The following FNBP1L variants were observed in gnomAD, a reference collection of about 807,000 sequenced individuals.
FNBP1L encodes formin-binding protein 1-like.
FNBP1L carries 36 observed loss-of-function variants against 91.2 expected under a neutral mutation model. The ratio of observed to expected loss-of-function variants is 0.39; its 90% confidence interval spans 0.30 to 0.52. The LOEUF (loss-of-function observed/expected upper bound fraction) is 0.52, where lower values mean the gene tolerates loss of function less well. FNBP1L is among the 20% of genes least tolerant of loss of function. The probability of loss-of-function intolerance (pLI) is 0.66; values close to 1 mark genes in which losing one functional copy is unlikely to be tolerated. For missense variants in FNBP1L, 571 were observed against 732.1 expected, an observed-to-expected ratio of 0.78 and a Z score of 2.54; for synonymous variants, 242 against 237.0, an observed-to-expected ratio of 1.02 and a Z score of -0.19.
chr1:93,468,465 C>G (rs754926390), intron 1 of FNBP1L, among the ~76,000 whole-genome samples: 1 of 152,202 alleles, frequency 6.6e-6, no homozygotes, highest in Non-Finnish European at 1.5e-5. Context: ...GGGTCTCGCT[C>G]TGTCATCCAG....
At chr1:93,459,254 A>ACT (rs1668778500) in intron 1 of FNBP1L, among the ~76,000 whole-genome samples, 1 of 151,976 alleles carries the variant, frequency 6.6e-6, no homozygotes, top group African/African-American at 2.4e-5. Context: ...AGTGAGAGAG[A>ACT]CTCTGTCTCA....
chr1:93,542,638 C>T (rs999855398), intron 11 of FNBP1L, among the ~76,000 whole-genome samples: 1 of 151,900 alleles, frequency 6.6e-6, no homozygotes, highest in East Asian at 1.9e-4. Context: ...CTCATTCTTA[C>T]ACATGGTGAA....
intron 1 of FNBP1L, among the ~76,000 whole-genome samples, chr1:93,462,339 G>A (rs1478073536): frequency 6.6e-6 from 1 of 151,964 alleles, no homozygotes; most frequent in Non-Finnish European, 1.5e-5. Context: ...TAGAAATTAA[G>A]CAGATATTTA....
intron 1 of FNBP1L, among the ~76,000 whole-genome samples, chr1:93,464,392 T>C (rs1485902222): frequency 1.3e-5 from 2 of 152,224 alleles, no homozygotes; most frequent in East Asian, 3.8e-4. Context: ...ACAATATTTG[T>C]ATTCTGAAAA....
intron 1 of FNBP1L, among the ~76,000 whole-genome samples, chr1:93,477,241 G>A (rs2818972): frequency 0.99 from 151,163 of 152,362 alleles, 74,994 homozygotes; most frequent in East Asian, 1. Context: ...AGAGATACAG[G>A]GTAGTAGATG....
chr1:93,529,387 G>A (rs1671599057), intron 5 of FNBP1L, among the ~76,000 whole-genome samples: 1 of 151,976 alleles, frequency 6.6e-6, no homozygotes, highest in African/African-American at 2.4e-5. Flanking sequence ...TTAGTGCGCA[G>A]TTCATTTCCA....
At chr1:93,529,551 A>G in intron 5 of FNBP1L, 101 bp from the exon 6 acceptor site, 2 of 682,066 alleles carry the variant, frequency 2.9e-6, no homozygotes, top group Non-Finnish European at 4.7e-6. Context: ...TCAACCCGTC[A>G]TCTATGTTAG....
intron 5 of FNBP1L, among the ~76,000 whole-genome samples, chr1:93,527,692 G>T (rs979613026): frequency 1.3e-5 from 2 of 152,144 alleles, no homozygotes; most frequent in East Asian, 3.9e-4. Flanking sequence ...CGTAAAGCCC[G>T]ATCGGTGGAG....
At chr1:93,472,317 C>T (rs978130877) in intron 1 of FNBP1L, among the ~76,000 whole-genome samples, 2 of 152,146 alleles carry the variant, frequency 1.3e-5, no homozygotes, top group Non-Finnish European at 1.5e-5. Context: ...TTTTTGAATA[C>T]TTAAGCAGTG....
In FNBP1L at chr1:93,492,981, C is replaced by A. The variant is rs146723090; in HGVS notation, c.25-6487C>A. Among the ~76,000 whole-genome samples the A allele has an allele frequency of 3.9e-3, 588 of 152,160 alleles. 3 individuals carry two copies. Among genetic ancestry groups the A allele is most frequent in the Middle Eastern group, 0.027 (8 of 294 alleles). On this transcript the variant is annotated intron_variant, in intron 1 of 16. Coordinates refer to ENST00000271234, the MANE Select transcript of FNBP1L (RefSeq NM_001164473.3). ...ATATGGATTAGAGGTGACCTTCCCC[C>A]TCTAAGAAATTATTGAGAAGGTTAT...
intron 1 of FNBP1L, among the ~76,000 whole-genome samples, chr1:93,477,974 C>T (rs1570782217): frequency 1.3e-5 from 2 of 152,258 alleles, no homozygotes; most frequent in Non-Finnish European, 2.9e-5. Context: ...TAGAAATAAA[C>T]TTTATTTTTT....
rs1672423928 is a variant in FNBP1L, at chr1:93,551,781, C to G, written c.1811-628C>G. ...GAATAAAATAGATTTTGTTTGAGAC[C>G]TCAAAATATTTTGAGGTTAGCTGGT... On this transcript the variant is annotated intron_variant, in intron 16 of 16. Transcript: ENST00000271234. The G allele has an allele frequency of 3.0e-6, 3 of 985,100 alleles. No homozygotes were observed. In the African/African-American group the frequency reaches 5.2e-5, roughly 17 times the overall value. The allele number at this position is 985,100 out of a possible 1,614,324, so 61.0% of individuals were successfully genotyped here. A position where few individuals can be genotyped will look rare whatever the true frequency, so the allele number is the denominator to read the frequency against.
At position 93,532,977 on chromosome 1, in the gene FNBP1L, G is replaced by A. The variant is rs550084998; in HGVS notation, c.695G>A (p.Gly232Glu). ...RTIKLSECYRGFADSERKVIP... is the reference protein window; with the variant it reads ...RTIKLSECYREFADSERKVIP... ...ATTAAACTCAGTGAGTGTTACAGAG[G>A]ATTTGCTGACTCAGAACGCAAAGTT... The change falls in exon 8 of 17, where the codon GGA (glycine) becomes GAA (glutamate). Residue 232 changes from glycine to glutamate, a missense_variant. Around this residue, in one of 5 missense-constraint regions of FNBP1L, gnomAD observed 220 missense variants for 313.6 expected, o/e 0.70. Transcript: ENST00000271234. 3 of 1,613,128 alleles carry A rather than the reference G, an allele frequency of 1.9e-6. No homozygotes were observed. In the African/African-American group the frequency reaches 4.0e-5, roughly 22 times the overall value.
chr1:93,508,811 G>A (rs750054128), intron 2 of FNBP1L, among the ~76,000 whole-genome samples: 2 of 152,146 alleles, frequency 1.3e-5, no homozygotes, highest in Admixed American at 6.5e-5. Flanking sequence ...AACAAAGAAA[G>A]GAATTTACTG....
At chr1:93,467,378 A>C (rs1347361640) in intron 1 of FNBP1L, among the ~76,000 whole-genome samples, 1 of 152,218 alleles carries the variant, frequency 6.6e-6, no homozygotes, top group Non-Finnish European at 1.5e-5. Context: ...TGAAACAAAC[A>C]GGTCAGAGAA....
At chr1:93,532,611 A>G (rs1479408835) in intron 7 of FNBP1L, among the ~76,000 whole-genome samples, 2 of 152,132 alleles carry the variant, frequency 1.3e-5, no homozygotes, top group East Asian at 1.9e-4. Context: ...TTGAATAGTA[A>G]AAGGTGGGAG....
At chr1:93,535,417 T>TGAA (rs1671814331) in intron 9 of FNBP1L, among the ~76,000 whole-genome samples, 1 of 152,138 alleles carries the variant, frequency 6.6e-6, no homozygotes, top group African/African-American at 2.4e-5. Flanking sequence ...CTTAACTTCT[T>TGAA]GTTAGAACCC....
intron 5 of FNBP1L, among the ~76,000 whole-genome samples, chr1:93,529,217 T>C (rs1412996699): frequency 6.6e-6 from 1 of 152,108 alleles, no homozygotes; most frequent in Non-Finnish European, 1.5e-5. Context: ...AAAAAAATTA[T>C]AAAACACACA....
intron 2 of FNBP1L, among the ~76,000 whole-genome samples, chr1:93,501,947 A>G (rs1380323186): frequency 1.4e-5 from 2 of 147,760 alleles, no homozygotes; most frequent in Admixed American, 6.8e-5. Context: ...TCATTGCAGG[A>G]AAAAAAAAAA....
Sources: allele counts gnomAD v4.1 joint callset (sites outside exome capture counted in the v4.1 genomes callset), GRCh38; gene constraint gnomAD v4.1.1; regional missense constraint gnomAD v4.1.1; transcripts MANE v1.5; gene names NCBI Gene and HGNC (gene_info 2026-07-23, HGNC 2026-07-21).